PARD3: variants seen among roughly 807,000 people sequenced by gnomAD.
PARD3 encodes the protein par-3 family cell polarity regulator.
In PARD3, 75 loss-of-function variants were observed where a neutral mutation model predicts 155.4. The observed-to-expected ratio is 0.48, with a 90% CI of 0.40 to 0.58. PARD3 has a LOEUF of 0.58. Among genes scored for constraint, PARD3 ranks in the 20% least tolerant of loss-of-function variants. The pLI is 0.00. For synonymous variants in PARD3, 576 were observed against 610.5 expected (o/e 0.94, Z 0.83); for missense variants, 1,642 against 1,721.7 (o/e 0.95, Z 0.82).
chr10:34,725,697 G>A (rs1242155610), intron 1 of PARD3, among the ~76,000 whole-genome samples: 1 of 152,034 alleles, frequency 6.6e-6, no homozygotes, highest in Non-Finnish European at 1.5e-5. Context: ...AAACACCTGC[G>A]AGCTTTACTA....
intron 22 of PARD3, among the ~76,000 whole-genome samples, chr10:34,240,442 A>G (rs1588898442): frequency 6.6e-6 from 1 of 152,272 alleles, no homozygotes; most frequent in East Asian, 1.9e-4. Context: ...AAAAAGTATC[A>G]CTTTCATATT....
chr10:34,480,558 A>G (rs547111468), intron 3 of PARD3, among the ~76,000 whole-genome samples: 2 of 152,266 alleles, frequency 1.3e-5, no homozygotes, highest in Admixed American at 1.3e-4. Flanking sequence ...TTTTAACAGC[A>G]TCGGCCAGTT....
intron 15 of PARD3, chr10:34,346,195 T>C: frequency 8.9e-7 from 1 of 1,125,012 alleles, no homozygotes; most frequent in Non-Finnish European, 1.1e-6. Context: ...ATGTCAACTA[T>C]AATGCAAACC....
chr10:34,345,359 T>A (rs1234066986), intron 15 of PARD3: 1 of 985,050 alleles, frequency 1.0e-6, no homozygotes, highest in East Asian at 1.1e-4. Flanking sequence ...GAGTCCTACA[T>A]AGGGGATTAC....
intron 1 of PARD3, among the ~76,000 whole-genome samples, chr10:34,757,075 A>G (rs577781195): frequency 2.6e-5 from 4 of 152,180 alleles, no homozygotes; most frequent in Admixed American, 6.5e-5. Flanking sequence ...TGGTAGGTGC[A>G]ATGTTTTTTA....
intron 1 of PARD3, among the ~76,000 whole-genome samples, chr10:34,811,482 A>G (rs920360383): frequency 3.9e-5 from 6 of 152,138 alleles, no homozygotes; most frequent in African/African-American, 1.4e-4. Flanking sequence ...GCACTGCCCT[A>G]TATCAAGGTC....
intron 2 of PARD3, among the ~76,000 whole-genome samples, chr10:34,543,451 A>G (rs750094798): frequency 1.3e-5 from 2 of 152,210 alleles, no homozygotes; most frequent in Non-Finnish European, 2.9e-5. Context: ...GCTGTTCACC[A>G]TGCATACTTC....
Position 34,399,414 on chromosome 10 carries a change from C to T in PARD3, c.807-1G>A. ...GACTTCTACGAGCTTTACCATATCA[C>T]TGTGAGACAATGATGAATGAGGGAG... is the stretch of plus-strand genomic sequence containing the variant. On this transcript the variant is annotated splice_acceptor_variant, in intron 6 of 24. Transcript: ENST00000374788. LOFTEE classifies it high-confidence loss of function. 2 of 1,593,200 alleles carry T rather than the reference C, an allele frequency of 1.3e-6. No individual in the cohort carries two copies. The highest frequency in any genetic ancestry group is 1.7e-6 in the Non-Finnish European group (2 of 1,161,050).
rs376991454 is a variant in PARD3, at chr10:34,504,134, A to G, written c.403+12845T>C. Among the ~76,000 whole-genome samples the G allele has an allele frequency of 3.0e-4, 44 of 147,602 alleles. No individual in the cohort carries two copies. In the East Asian group the frequency reaches 3.8e-3, roughly 13 times the overall value. On this transcript the variant is annotated intron_variant, in intron 3 of 24. Transcript: ENST00000374788. ...GCAGTATACACACTGGAGCCCCCAGATTTTTTTTTTTAAGAGATGGGGTCT... is the reference window on the plus strand; with the variant it reads ...GCAGTATACACACTGGAGCCCCCAGGTTTTTTTTTTTAAGAGATGGGGTCT...
chr10:34,236,914 T>C (rs941031627), intron 22 of PARD3, among the ~76,000 whole-genome samples: 1 of 152,150 alleles, frequency 6.6e-6, no homozygotes, highest in Non-Finnish European at 1.5e-5. Context: ...TCTTGGAAAA[T>C]ATTATTCCCA....
chr10:34,610,986 G>C (rs2090850810), intron 2 of PARD3, among the ~76,000 whole-genome samples: 1 of 152,114 alleles, frequency 6.6e-6, no homozygotes, highest in Non-Finnish European at 1.5e-5. Flanking sequence ...TGCAATGACA[G>C]AAAAAGTAAG....
At chr10:34,354,680 G>C (rs1253121310) in intron 14 of PARD3, among the ~76,000 whole-genome samples, 1 of 152,114 alleles carries the variant, frequency 6.6e-6, no homozygotes, top group Admixed American at 6.5e-5. Context: ...TCAAGTGGAA[G>C]ACCTAGAGGT....
chr10:34,264,536 T>C (rs1955196863), intron 22 of PARD3, among the ~76,000 whole-genome samples: 1 of 152,154 alleles, frequency 6.6e-6, no homozygotes, highest in Middle Eastern at 3.2e-3. Flanking sequence ...TCTTCCTTCA[T>C]GTAGCCTACA....
Position 34,315,638 on chromosome 10 carries a change from C to T in PARD3, c.3065+1469G>A, listed in dbSNP as rs567089249. ...CTTATTTCTGTGCACTGTGGAGGTG[C>T]CAGTTTATGAGCTGTCAGTCTGCAC... On this transcript the variant is annotated intron_variant, in intron 20 of 24. Transcript: ENST00000374788. Among the ~76,000 whole-genome samples the T allele has an allele frequency of 1.4e-3, 210 of 152,102 alleles. 1 individual carries two copies. The highest frequency in any genetic ancestry group is 2.6e-3 in the Non-Finnish European group (180 of 68,012).
chr10:34,276,529 C>A lies in PARD3; in HGVS notation c.3177-6630G>T, dbSNP rs140496861. Among the ~76,000 whole-genome samples, 718 of 152,218 alleles carry A rather than the reference C, an allele frequency of 4.7e-3. 5 individuals carry two copies. Among genetic ancestry groups the A allele is most frequent in the African/African-American group, 0.017 (688 of 41,542 alleles). Reference sequence around the variant, plus strand: ...CTTCTGTTTTTGTAACATTTCTATTCATTAGTATTTTTGCTTTTACAATAA... The same window carrying A: ...CTTCTGTTTTTGTAACATTTCTATTAATTAGTATTTTTGCTTTTACAATAA... On this transcript the variant is annotated intron_variant, in intron 21 of 24. Transcript: ENST00000374788.
At chr10:34,440,899 C>T (rs573566801) in intron 5 of PARD3, among the ~76,000 whole-genome samples, 3 of 151,940 alleles carry the variant, frequency 2.0e-5, no homozygotes, top group Non-Finnish European at 4.4e-5. Flanking sequence ...GGTATCCTTA[C>T]ATTTAATCTT....
chr10:34,770,941 T>C (rs7080176), intron 1 of PARD3, among the ~76,000 whole-genome samples: 46,796 of 151,890 alleles, frequency 0.31, 7,652 homozygotes, highest in East Asian at 0.54. Flanking sequence ...TGGAAAGGCT[T>C]TGAGATGCTC....
chr10:34,368,426 A>G (rs1840205767), intron 12 of PARD3, among the ~76,000 whole-genome samples: 1 of 152,114 alleles, frequency 6.6e-6, no homozygotes, highest in South Asian at 2.1e-4. Flanking sequence ...TAATTCCAGC[A>G]CTTTGGGAGG....
chr10:34,311,268 T>A (rs1957682167), intron 20 of PARD3, among the ~76,000 whole-genome samples: 3 of 152,130 alleles, frequency 2.0e-5, no homozygotes, highest in Admixed American at 1.3e-4. Context: ...TATTTTTTTT[T>A]ATTTATTTTT....
Sources: gnomAD v4.1 joint callset for allele counts (sites outside exome capture counted in the v4.1 genomes callset) on GRCh38, gnomAD v4.1.1 for gene constraint, MANE v1.5 for transcripts, NCBI Gene and HGNC (gene_info 2026-07-23, HGNC 2026-07-21) for gene names.